Variants in RHPN2 observed in about 807,000 individuals in gnomAD.
RHPN2 encodes the protein rhophilin Rho GTPase binding protein 2, also known as rhophilin-2.
A neutral mutation model predicts 79.0 loss-of-function variants in RHPN2; 40 were observed. The observed-to-expected ratio is 0.51, with a 90% CI of 0.39 to 0.66. The LOEUF (loss-of-function observed/expected upper bound fraction) is 0.66. Among genes scored for constraint, RHPN2 ranks in the 30% least tolerant of loss-of-function variants. The pLI, the probability that RHPN2 is intolerant of heterozygous loss-of-function variation, is 0.00. For synonymous variants in RHPN2, 285 were observed against 363.5 expected, an observed-to-expected ratio of 0.78 and a Z score of 2.46; for missense variants, 686 against 883.5, an observed-to-expected ratio of 0.78 and a Z score of 2.83.
chr19:33,050,597 T>C (rs1421116320), intron 1 of RHPN2, among the ~76,000 whole-genome samples: 1 of 152,212 alleles, frequency 6.6e-6, no homozygotes, highest in Non-Finnish European at 1.5e-5. Flanking sequence ...TCAGATAGGA[T>C]GTAGACTTTT....
At chr19:33,021,372 T>C (rs1018216573) in intron 4 of RHPN2, among the ~76,000 whole-genome samples, 199 bp downstream of exon 4, 6 of 152,306 alleles carry the variant, frequency 3.9e-5, no homozygotes, top group Non-Finnish European at 8.8e-5. Context: ...TTTCTTTTTT[T>C]TGGAGACAGG....
intron 1 of RHPN2, among the ~76,000 whole-genome samples, chr19:33,048,447 C>T (rs2145266304): frequency 6.6e-6 from 1 of 150,688 alleles, no homozygotes. Flanking sequence ...TATCTTTGGC[C>T]GGGCATAGTA....
chr19:33,059,551 C>T (rs1249692656), intron 1 of RHPN2, among the ~76,000 whole-genome samples: 2 of 152,056 alleles, frequency 1.3e-5, no homozygotes, highest in Non-Finnish European at 2.9e-5. Flanking sequence ...CCGCCTGCCT[C>T]GGCCTCCCAA....
chr19:32,992,212 C>CT (rs898227369), intron 12 of RHPN2: 544 of 484,250 alleles, frequency 1.1e-3, no homozygotes, highest in Middle Eastern at 2.4e-3. Context: ...ATCTTTTTCT[C>CT]TTTTTTTTTG....
In RHPN2 at chr19:32,991,901, T is replaced by C. The variant is rs1306494114; in HGVS notation, c.1566A>G (p.Glu522=). The part of the protein sequence containing the change: ...TPPRSIRFTA[E]EGDLGFTLRG... ...TCAAGGTGAACCCCAAGTCCCCTTC[T>C]TCTGCAGTGAAGCGGATGCTTCGAG... Residue 522 remains glutamate, a synonymous_variant, in exon 13 of 15, where the codon GAA becomes GAG. Coordinates refer to ENST00000254260, the MANE Select transcript of RHPN2 (RefSeq NM_033103.5). 6.2e-7 allele frequency: 1 copy of C among 1,613,988 alleles called. No homozygotes were observed. Among genetic ancestry groups the C allele is most frequent in the Non-Finnish European group, 8.5e-7 (1 of 1,179,850 alleles).
intron 3 of RHPN2, among the ~76,000 whole-genome samples, chr19:33,022,957 C>T (rs1053767005): frequency 2.0e-5 from 3 of 152,132 alleles, no homozygotes; most frequent in African/African-American, 4.8e-5. Context: ...AGAGGAGGAG[C>T]GAGTGTCCTG....
intron 4 of RHPN2, among the ~76,000 whole-genome samples, chr19:33,020,427 G>A (rs1404348439): frequency 1.3e-5 from 2 of 148,912 alleles, no homozygotes; most frequent in Non-Finnish European, 2.9e-5. Context: ...CTGGGTTCAA[G>A]CGACTCTCTC....
At chr19:33,042,259 C>A (rs1347141872) in intron 2 of RHPN2, among the ~76,000 whole-genome samples, 2 of 151,890 alleles carry the variant, frequency 1.3e-5, no homozygotes, top group Non-Finnish European at 2.9e-5. Flanking sequence ...CCTAGGAAAG[C>A]CATACACCAT....
Position 32,980,200 on chromosome 19 carries a change from G to A in RHPN2, c.1857C>T (p.Cys619=), listed in dbSNP as rs1271436240. 1.2e-6 allele frequency: 2 copies of A among 1,613,780 alleles called. No individual in the cohort carries two copies. Among genetic ancestry groups the A allele is most frequent in the Non-Finnish European group, 1.7e-6 (2 of 1,179,814 alleles). ...TTTTGTCGTCATCATCAATGGCTAAGCAGATCATGGAGTACGTTTTCTGCA... is the reference window on the plus strand; with the variant it reads ...TTTTGTCGTCATCATCAATGGCTAAACAGATCATGGAGTACGTTTTCTGCA... The part of the protein sequence containing the change: ...VGMQKTYSMI[C]LAIDDDDKTD... Residue 619 remains cysteine (C), a synonymous_variant, in exon 15 of 15, where the codon TGC becomes TGT. Coordinates refer to ENST00000254260, the MANE Select transcript of RHPN2 (RefSeq NM_033103.5).
At chr19:32,989,377 C>T (rs1262192192) in intron 14 of RHPN2, among the ~76,000 whole-genome samples, 1 of 152,126 alleles carries the variant, frequency 6.6e-6, no homozygotes, top group Admixed American at 6.6e-5. Flanking sequence ...CAAAAGTACT[C>T]AGATTACAGG....
chr19:33,031,210 TTTCTATTCTATTCTA>T lies in RHPN2; in HGVS notation c.186-4593_186-4579del, dbSNP rs150522688. 1.3e-3 allele frequency among the ~76,000 whole-genome samples: 192 copies of T among 145,144 alleles called. 1 individual carries two copies. The highest frequency in any genetic ancestry group is 6.8e-4 in the South Asian group (3 of 4,394). ...TTCAGAATTTTATTCTATTCTATTC[TTTCTATTCTATTCTA>T]TTCTATTCTATTCTATTCTATTCTA... On this transcript the variant is annotated intron_variant, in intron 2 of 14. Transcript: ENST00000254260.
intron 4 of RHPN2, among the ~76,000 whole-genome samples, chr19:33,017,189 G>A (rs1971885015): frequency 6.6e-6 from 1 of 152,100 alleles, no homozygotes. Flanking sequence ...GACCAGCCTG[G>A]CCAACATGGT....
chr19:33,011,403 A>C (rs1350539137), intron 6 of RHPN2, among the ~76,000 whole-genome samples: 1 of 152,132 alleles, frequency 6.6e-6, no homozygotes, highest in Non-Finnish European at 1.5e-5. Context: ...GTGCTTCCCC[A>C]GTGATACAAC....
chr19:32,985,556 A>G (rs2145998792), intron 14 of RHPN2, among the ~76,000 whole-genome samples: 1 of 152,278 alleles, frequency 6.6e-6, no homozygotes, highest in Non-Finnish European at 1.5e-5. Context: ...AGGATCACGT[A>G]AGCCCAAGAG....
intron 9 of RHPN2, 109 bp from the exon 10 acceptor site, chr19:32,999,814 G>T: frequency 1.4e-6 from 2 of 1,435,900 alleles, no homozygotes; most frequent in South Asian, 1.2e-5. Flanking sequence ...GTTTCACAAG[G>T]CATTTGGGAT....
chr19:32,980,019 T>C lies in RHPN2; in HGVS notation c.2038A>G (p.Asn680Asp). 1 of 1,613,914 alleles carries C rather than the reference T, an allele frequency of 6.2e-7. No individual in the cohort carries two copies. The highest frequency in any genetic ancestry group is 2.2e-5 in the East Asian group (1 of 44,876). The change falls in exon 15 of 15, where the codon AAC becomes GAC. Residue 680 changes from asparagine to aspartate, a missense_variant. Transcript: ENST00000254260. ...KKLPSPFSLLNSDSSWY is the reference protein window; with the variant it reads ...KKLPSPFSLLDSDSSWY ...CATTAGTACCAAGAACTGTCTGAGT[T>C]GAGAAGGCTGAAAGGGGAGGGCAGC...
At chr19:33,004,461 G>C (rs1296410461) in intron 7 of RHPN2, among the ~76,000 whole-genome samples, 3 of 151,932 alleles carry the variant, frequency 2.0e-5, no homozygotes, top group African/African-American at 7.3e-5. Context: ...ATGTGCTTCT[G>C]GTTGGCAGGA....
chr19:32,981,868 GA>G (rs984652154), intron 14 of RHPN2, among the ~76,000 whole-genome samples: 94 of 151,628 alleles, frequency 6.2e-4, no homozygotes, highest in African/African-American at 2.2e-3. Context: ...TTCCTCAGCT[GA>G]AACTTTGTAC....
intron 1 of RHPN2, 86 bp from the exon 2 acceptor site, chr19:33,044,450 T>C: frequency 1.1e-6 from 1 of 872,444 alleles, no homozygotes; most frequent in South Asian, 1.4e-5. Flanking sequence ...ATGTTTAACT[T>C]TAAAAATAAT....
Sources: allele counts gnomAD v4.1 joint callset (sites outside exome capture counted in the v4.1 genomes callset), GRCh38; gene constraint gnomAD v4.1.1; transcripts MANE v1.5; gene names NCBI Gene and HGNC (gene_info 2026-07-23, HGNC 2026-07-21).